The following CSE1L variants were observed in gnomAD, a reference collection of about 807,000 sequenced individuals.
CSE1L encodes the protein exportin-2.
A neutral mutation model predicts 120.4 loss-of-function variants in CSE1L; 24 were observed. The ratio of observed to expected loss-of-function variants is 0.20; its 90% CI spans 0.14 to 0.28. CSE1L has a LOEUF of 0.28. CSE1L is among the 10% of genes least tolerant of loss of function. CSE1L has a pLI of 1.00. For synonymous variants in CSE1L, 402 were observed against 398.3 expected (o/e 1.01, Z -0.11); for missense variants, 830 against 1,145.2 (o/e 0.72, Z 3.97).
intron 6 of CSE1L, among the ~76,000 whole-genome samples, chr20:49,068,402 CGTG>C (rs2091909359): frequency 6.6e-6 from 1 of 152,004 alleles, no homozygotes; most frequent in Non-Finnish European, 1.5e-5. Context: ...CCATGGCTAA[CGTG>C]GTGAAACCCC....
intron 1 of CSE1L, among the ~76,000 whole-genome samples, chr20:49,055,733 T>C (rs1005528787): frequency 6.6e-6 from 1 of 152,120 alleles, no homozygotes; most frequent in African/African-American, 2.4e-5. Context: ...AATAATAAAA[T>C]TTTTTAAATT....
Position 49,082,665 on chromosome 20 carries a change from AC to A in CSE1L, c.1483-1359del, listed in dbSNP as rs2092022673. On this transcript the variant is annotated intron_variant, in intron 14 of 24. Coordinates refer to ENST00000262982, the MANE Select transcript of CSE1L (RefSeq NM_001316.4). ...CTCGCGATAGCTGGGACTACAGGCT[AC>A]CGCCACCATGCCCGGCTAATTTTTT... 3.3e-5 allele frequency among the ~76,000 whole-genome samples: 5 copies of A among 151,876 alleles called. No individual in the cohort carries two copies. In the South Asian group the frequency reaches 1.0e-3, roughly 32 times the overall value.
chr20:49,057,422 C>T (rs980100496), intron 1 of CSE1L, among the ~76,000 whole-genome samples: 6 of 132,622 alleles, frequency 4.5e-5, no homozygotes, highest in Non-Finnish European at 9.9e-5. Flanking sequence ...TATTTATTTG[C>T]TGTTTAAAAT....
At chr20:49,074,161 T>C (rs2091952389) in intron 10 of CSE1L, among the ~76,000 whole-genome samples, 1 of 144,340 alleles carries the variant, frequency 6.9e-6, no homozygotes, top group Non-Finnish European at 1.5e-5. Context: ...CAGTGAGACA[T>C]GATCATACAA....
intron 1 of CSE1L, among the ~76,000 whole-genome samples, chr20:49,047,801 C>G (rs149936525): frequency 7.2e-5 from 11 of 151,970 alleles, no homozygotes; most frequent in African/African-American, 2.7e-4. Context: ...ATCAGGCTGT[C>G]TAATCAACCT....
At chr20:49,078,710 T>C (rs2091988053) in intron 14 of CSE1L, 88 bp downstream of exon 14, 3 of 781,800 alleles carry the variant, frequency 3.8e-6, no homozygotes, top group Non-Finnish European at 5.9e-6. Context: ...GCAGTCATTT[T>C]ATATCCACAT....
intron 8 of CSE1L, 66 bp from the exon 9 acceptor site, chr20:49,072,220 G>A: frequency 6.5e-7 from 1 of 1,536,824 alleles, no homozygotes; most frequent in South Asian, 1.2e-5. Flanking sequence ...AGGAATTTCA[G>A]TTACTCCTCT....
rs976639263 is a variant in CSE1L, at chr20:49,072,167, A to G, written c.769-119A>G. 6.3e-5 allele frequency: 69 copies of G among 1,088,096 alleles called. No individual in the cohort carries two copies. In the African/African-American group the frequency reaches 6.8e-4, roughly 11 times the overall value. 67.4% of individuals were successfully genotyped at this position (1,088,096 alleles called of 1,614,324 possible). ...GGTGGTGGCATAGCTGTAGTTTACA[A>G]TAACTGATTTGATTTGGATTTAATT... On this transcript the variant is annotated intron_variant, in intron 8 of 24. Transcript: ENST00000262982.
chr20:49,085,423 C>G, intron 16 of CSE1L, 37 bp downstream of exon 16: 1 of 1,470,668 alleles, frequency 6.8e-7, no homozygotes, highest in Non-Finnish European at 9.5e-7. Context: ...TACAGGTATC[C>G]AATCTCAGAT....
chr20:49,091,509 GTATTCCTTGA>G (rs2092100808), intron 21 of CSE1L, among the ~76,000 whole-genome samples: 1 of 150,716 alleles, frequency 6.6e-6, no homozygotes, highest in Non-Finnish European at 1.5e-5. Flanking sequence ...GAAAGTGGGA[GTATTCCTTGA>G]GTCCAGGAGT....
chr20:49,092,155 G>A, intron 22 of CSE1L, 28 bp downstream of exon 22: 2 of 1,340,534 alleles, frequency 1.5e-6, no homozygotes, highest in Non-Finnish European at 2.1e-6. Flanking sequence ...ATTTTTTAAA[G>A]GAAGAAAATG....
intron 2 of CSE1L, among the ~76,000 whole-genome samples, chr20:49,061,462 G>C (rs561869244): frequency 2.7e-5 from 4 of 148,200 alleles, no homozygotes; most frequent in Non-Finnish European, 4.5e-5. Context: ...ATGAGCCACC[G>C]TGCCCGGTGG....
intron 14 of CSE1L, among the ~76,000 whole-genome samples, chr20:49,079,584 C>T (rs1166685180): frequency 6.6e-6 from 1 of 151,936 alleles, no homozygotes; most frequent in Non-Finnish European, 1.5e-5. Context: ...TAGAGACTTT[C>T]TCACATTTTA....
At chr20:49,080,208 T>G (rs1403855401) in intron 14 of CSE1L, among the ~76,000 whole-genome samples, 1 of 152,098 alleles carries the variant, frequency 6.6e-6, no homozygotes, top group Non-Finnish European at 1.5e-5. Context: ...AGGTATACTT[T>G]CTGTTTCATT....
chr20:49,084,672 A>C (rs1461774932), intron 15 of CSE1L, among the ~76,000 whole-genome samples: 1 of 152,210 alleles, frequency 6.6e-6, no homozygotes, highest in East Asian at 1.9e-4. Context: ...CTGGGGACCA[A>C]GAAAATAGGT....
At chr20:49,073,187 A>C (rs1230080921) in intron 10 of CSE1L, among the ~76,000 whole-genome samples, 1 of 151,564 alleles carries the variant, frequency 6.6e-6, no homozygotes. Context: ...AATTTCTTGT[A>C]TTTTTGGTAG....
At chr20:49,081,052 C>T (rs1332129874) in intron 14 of CSE1L, among the ~76,000 whole-genome samples, 5 of 149,264 alleles carry the variant, frequency 3.3e-5, no homozygotes, top group South Asian at 2.1e-4. Context: ...GGTGTGATCT[C>T]GGCTCACTGC....
chr20:49,086,546 G>C lies in CSE1L; in HGVS notation c.1723+1160G>C, dbSNP rs549356742. On this transcript the variant is annotated intron_variant, in intron 16 of 24. Transcript: ENST00000262982. Reference sequence around the variant, plus strand: ...ATGCCCAGCTAATTTTGTATTTTTAGTAGAGACAGGGTTTCTGCATGTTGG... The same window carrying C: ...ATGCCCAGCTAATTTTGTATTTTTACTAGAGACAGGGTTTCTGCATGTTGG... Among the ~76,000 whole-genome samples the C allele has an allele frequency of 5.9e-5, 9 of 151,724 alleles. No homozygotes were observed. The South Asian group carries it at 1.9e-3, about 31-fold the overall frequency.
intron 19 of CSE1L, among the ~76,000 whole-genome samples, chr20:49,089,960 A>T (rs1159594663): frequency 6.6e-6 from 1 of 151,956 alleles, no homozygotes; most frequent in Non-Finnish European, 1.5e-5. Context: ...CTACAAAGGA[A>T]AAAAAAGCTT....
Sources: gnomAD v4.1 joint callset for allele counts (sites outside exome capture counted in the v4.1 genomes callset) on GRCh38, gnomAD v4.1.1 for gene constraint, MANE v1.5 for transcripts, NCBI Gene and HGNC (gene_info 2026-07-23, HGNC 2026-07-21) for gene names.